The following JAM2 variants were observed in gnomAD, a reference collection of about 807,000 sequenced individuals.
The protein encoded by JAM2 is junctional adhesion molecule B.
Under a neutral mutation model 42.0 loss-of-function variants are expected in JAM2, and 17 were observed. The observed-to-expected ratio is 0.40, with a 90% CI of 0.28 to 0.61. The LOEUF (loss-of-function observed/expected upper bound fraction) is 0.61. Ranked by LOEUF, JAM2 falls within the 20% of genes least tolerant of loss-of-function variation. The probability of loss-of-function intolerance (pLI) is 0.37; values close to 1 mark genes in which losing one functional copy is unlikely to be tolerated. For missense variants in JAM2, 319 were observed against 358.3 expected (o/e 0.89, Z 0.89); for synonymous variants, 118 against 128.6 (o/e 0.92, Z 0.56).
At chr21:25,689,788 C>A (rs2123379849) in intron 2 of JAM2, 78 bp from the exon 3 acceptor site, 1 of 878,690 alleles carries the variant, frequency 1.1e-6, no homozygotes, top group Non-Finnish European at 1.9e-6. Context: ...AAGTTGTTTA[C>A]AATTTTGTTA....
At chr21:25,696,206 C>T (rs1020127847) in intron 4 of JAM2, among the ~76,000 whole-genome samples, 2 of 152,190 alleles carry the variant, frequency 1.3e-5, no homozygotes, top group East Asian at 1.9e-4. Flanking sequence ...GCCAACATAG[C>T]GAAACCCCGT....
At chr21:25,646,890 T>A (rs377275054) in intron 1 of JAM2, among the ~76,000 whole-genome samples, 4 of 152,340 alleles carry the variant, frequency 2.6e-5, no homozygotes, top group African/African-American at 7.2e-5. Context: ...TTATCGCATG[T>A]CATCAGCATC....
At position 25,714,867 on chromosome 21, in the gene JAM2, T is replaced by C; in HGVS notation, c.*195T>C. Reference sequence around the variant, plus strand: ...AATAGTTCTGTCGACACCTAAAATATAATCTGGCTTCTTGTGTCTGGACTA... The same window carrying C: ...AATAGTTCTGTCGACACCTAAAATACAATCTGGCTTCTTGTGTCTGGACTA... On this transcript the variant is annotated 3_prime_UTR_variant, in exon 10 of 10. Coordinates refer to ENST00000480456, the MANE Select transcript of JAM2 (RefSeq NM_021219.4). 2.2e-6 allele frequency: 1 copy of C among 444,860 alleles called. No homozygotes were observed. Among genetic ancestry groups the C allele is most frequent in the Non-Finnish European group, 4.0e-6 (1 of 248,622 alleles). The allele number at this position is 444,860 out of a possible 1,614,324, so 27.6% of individuals were successfully genotyped here.
chr21:25,678,317 T>TGGTCTACTGTCTC (rs1384995807), intron 1 of JAM2, among the ~76,000 whole-genome samples: 1 of 152,204 alleles, frequency 6.6e-6, no homozygotes, highest in African/African-American at 2.4e-5. Flanking sequence ...GATTCTGGCT[T>TGGTCTACTGTCTC]GGTCTCCTGT....
At chr21:25,701,500 A>G (rs186275223) in intron 5 of JAM2, among the ~76,000 whole-genome samples, 1 of 151,616 alleles carries the variant, frequency 6.6e-6, no homozygotes, top group African/African-American at 2.4e-5. Flanking sequence ...TTCCTTCCAA[A>G]TATCCTCCAA....
intron 5 of JAM2, among the ~76,000 whole-genome samples, chr21:25,701,858 A>C (rs1170153918): frequency 6.6e-6 from 1 of 152,096 alleles, no homozygotes; most frequent in African/African-American, 2.4e-5. Flanking sequence ...ACACTACTTA[A>C]TACTACCATG....
chr21:25,691,127 A>G lies in JAM2; in HGVS notation c.241+1154A>G, dbSNP rs2033871593. 3.3e-5 allele frequency among the ~76,000 whole-genome samples: 5 copies of G among 152,262 alleles called. 1 individual carries two copies. In the South Asian group the frequency reaches 1.0e-3, roughly 31 times the overall value. Reference sequence around the variant, plus strand: ...CTAAAGCTGGAAATACAATTTTACAAGTTAAAATAAACATGTTATGATTTT... The same window carrying G: ...CTAAAGCTGGAAATACAATTTTACAGGTTAAAATAAACATGTTATGATTTT... On this transcript the variant is annotated intron_variant, in intron 3 of 9. Coordinates refer to ENST00000480456, the MANE Select transcript of JAM2 (RefSeq NM_021219.4).
rs186192931 is a variant in JAM2, at chr21:25,677,631, C to T, written c.68-6252C>T. On this transcript the variant is annotated intron_variant, in intron 1 of 9. Transcript: ENST00000480456. ...GCCAGAACCTACTGAAGAAAATAAA[C>T]ATTCTCAGTAGGCAGTGTGATGTTT... 2.6e-5 allele frequency among the ~76,000 whole-genome samples: 4 copies of T among 152,256 alleles called. No homozygotes were observed. The East Asian group carries it at 7.7e-4, about 29-fold the overall frequency.
intron 8 of JAM2, among the ~76,000 whole-genome samples, chr21:25,710,660 G>A (rs1302318952): frequency 6.6e-6 from 1 of 152,178 alleles, no homozygotes; most frequent in Admixed American, 6.5e-5. Context: ...AGCGGGACCA[G>A]GGTGGCTGGA....
At chr21:25,701,396 T>C (rs1420532918) in intron 5 of JAM2, among the ~76,000 whole-genome samples, 1 of 151,258 alleles carries the variant, frequency 6.6e-6, no homozygotes, top group African/African-American at 2.4e-5. Context: ...TTCCTTCCTT[T>C]CTCCCTCTCT....
At chr21:25,712,683 T>G (rs1049764086) in intron 9 of JAM2, among the ~76,000 whole-genome samples, 2 of 152,216 alleles carry the variant, frequency 1.3e-5, no homozygotes, top group Non-Finnish European at 2.9e-5. Context: ...CATTATCAGC[T>G]CCCTTTGACA....
rs1020075919 is a variant in JAM2, at chr21:25,696,354, G to A, written c.395-2323G>A. On this transcript the variant is annotated intron_variant, in intron 4 of 9. Transcript: ENST00000480456. The stretch of plus-strand genomic sequence containing the variant: ...ATGGCAGCAGTACAGTCCAGCTTCC[G>A]CTCGGCATCAGAGGGAGACCGTGGG... Among the ~76,000 whole-genome samples, 3 of 152,168 alleles carry A rather than the reference G, an allele frequency of 2.0e-5. No individual in the cohort carries two copies. The East Asian group carries it at 5.8e-4, about 29-fold the overall frequency.
At chr21:25,673,869 A>G (rs2033418463) in intron 1 of JAM2, among the ~76,000 whole-genome samples, 1 of 152,074 alleles carries the variant, frequency 6.6e-6, no homozygotes, top group African/African-American at 2.4e-5. Context: ...TGTGGGAGGG[A>G]CCTGGTGGGA....
At chr21:25,666,332 T>TATTATC (rs1347308725) in intron 1 of JAM2, among the ~76,000 whole-genome samples, 1 of 150,870 alleles carries the variant, frequency 6.6e-6, no homozygotes, top group Non-Finnish European at 1.5e-5. Context: ...TTATTATTAT[T>TATTATC]ATTATTATTT....
rs1231509884 is a variant in JAM2 at position 25,716,028 on chromosome 21, C to T, written c.*1356C>T. 6.8e-6 allele frequency: 1 copy of T among 146,872 alleles called. No individual in the cohort carries two copies. Among genetic ancestry groups the T allele is most frequent in the Non-Finnish European group, 1.5e-5 (1 of 67,420 alleles). The allele number at this position is 146,872 out of a possible 1,614,324, so 9.1% of individuals were successfully genotyped here. A position where few individuals can be genotyped will look rare whatever the true frequency, so the allele number is the denominator to read the frequency against. Reference sequence around the variant, plus strand: ...TTGAGACGGAGTCTCACTCTGTCGCCCAGGCTGGAGTACAGTGGCACAATC... The same window carrying T: ...TTGAGACGGAGTCTCACTCTGTCGCTCAGGCTGGAGTACAGTGGCACAATC... On this transcript the variant is annotated 3_prime_UTR_variant, in exon 10 of 10. Transcript: ENST00000480456.
At position 25,662,544 on chromosome 21, in the gene JAM2, C is replaced by T. The variant is rs77067751; in HGVS notation, c.68-21339C>T. Among the ~76,000 whole-genome samples, 813 of 152,284 alleles carry T rather than the reference C, an allele frequency of 5.3e-3. 2 individuals carry two copies. Among genetic ancestry groups the T allele is most frequent in the Admixed American group, 0.011 (170 of 15,288 alleles). ...TCATAGCTCACTGTAGCCTCAACCT[C>T]CTGGGCTTAAGTGATCCTCCTGTCT... On this transcript the variant is annotated intron_variant, in intron 1 of 9. Coordinates refer to ENST00000480456, the MANE Select transcript of JAM2 (RefSeq NM_021219.4).
intron 1 of JAM2, among the ~76,000 whole-genome samples, chr21:25,643,078 C>A (rs187079028): frequency 1.3e-5 from 2 of 152,204 alleles, no homozygotes; most frequent in Non-Finnish European, 2.9e-5. Context: ...AATACCATCA[C>A]ATTGGTGATT....
intron 1 of JAM2, among the ~76,000 whole-genome samples, chr21:25,656,871 C>G (rs2032952920): frequency 6.6e-6 from 1 of 152,102 alleles, no homozygotes; most frequent in Non-Finnish European, 1.5e-5. Flanking sequence ...TTATATTTGG[C>G]CACAAGTTAC....
intron 1 of JAM2, among the ~76,000 whole-genome samples, chr21:25,647,611 C>A (rs1337071210): frequency 6.6e-6 from 1 of 152,082 alleles, no homozygotes; most frequent in Non-Finnish European, 1.5e-5. Flanking sequence ...TAACTAGAAC[C>A]ACCAAAAATA....
Sources: gnomAD v4.1 joint callset for allele counts (sites outside exome capture counted in the v4.1 genomes callset) on GRCh38, gnomAD v4.1.1 for gene constraint, MANE v1.5 for transcripts, NCBI Gene and HGNC (gene_info 2026-07-23, HGNC 2026-07-21) for gene names.